The following VDR variants were observed in gnomAD, a reference collection of about 807,000 sequenced individuals.
VDR encodes vitamin D3 receptor.
Under a neutral mutation model 39.7 loss-of-function variants are expected in VDR, and 19 were observed. The observed-to-expected ratio is 0.48, with a 90% confidence interval of 0.33 to 0.70. VDR has a LOEUF of 0.70. Among genes scored for constraint, VDR ranks in the 30% least tolerant of loss-of-function variants. The pLI is 0.02. For synonymous variants in VDR, 242 were observed against 215.8 expected, an observed-to-expected ratio of 1.12 and a Z score of -1.07; for missense variants, 442 against 570.5, an observed-to-expected ratio of 0.77 and a Z score of 2.29.
intron 1 of VDR, among the ~76,000 whole-genome samples, chr12:47,898,183 A>T (rs1252025995): frequency 6.6e-6 from 1 of 152,138 alleles, no homozygotes; most frequent in Non-Finnish European, 1.5e-5. Flanking sequence ...TCTCTCTGAG[A>T]CATGTCTCAG....
intron 7 of VDR, among the ~76,000 whole-genome samples, chr12:47,850,486 C>CATGG (rs1374951160): frequency 6.6e-6 from 1 of 152,320 alleles, no homozygotes; most frequent in East Asian, 1.9e-4. Flanking sequence ...ACACATCTTC[C>CATGG]ATGGATGCAG....
intron 4 of VDR, among the ~76,000 whole-genome samples, chr12:47,862,268 C>T (rs979367717): frequency 2.0e-5 from 3 of 152,176 alleles, no homozygotes; most frequent in African/African-American, 2.4e-5. Context: ...AAGCTCTCTT[C>T]AATCCATCTC....
chr12:47,889,546 T>C (rs1946323211), intron 1 of VDR, among the ~76,000 whole-genome samples: 1 of 152,178 alleles, frequency 6.6e-6, no homozygotes, highest in South Asian at 2.1e-4. Context: ...GGGAGTACTT[T>C]AGAGGAAAGT....
chr12:47,881,919 G>A (rs1023507417), intron 2 of VDR, among the ~76,000 whole-genome samples: 9 of 152,198 alleles, frequency 5.9e-5, no homozygotes, highest in Non-Finnish European at 1.2e-4. Context: ...CTGCAGCTCC[G>A]AGTCATCGTG....
In VDR at chr12:47,865,783, G is replaced by GC. The variant is rs529206008; in HGVS notation, c.147-607dup. Among the ~76,000 whole-genome samples, 139 of 145,038 alleles carry GC rather than the reference G, an allele frequency of 9.6e-4. 1 individual carries two copies. The highest frequency in any genetic ancestry group is 1.6e-3 in the African/African-American group (64 of 38,882). ...AGGCTGGAGTGCAGTGGCTCACTCA[G>GC]CTCACTGCAAGCTCCACCTCCCGGG... is the stretch of plus-strand genomic sequence containing the variant. On this transcript the variant is annotated intron_variant, in intron 3 of 9. Transcript: ENST00000549336.
intron 3 of VDR, among the ~76,000 whole-genome samples, chr12:47,869,812 G>A (rs1328723381): frequency 6.6e-6 from 1 of 152,182 alleles, no homozygotes; most frequent in Non-Finnish European, 1.5e-5. Context: ...TGGAAGGATC[G>A]CTTGAGCTGG....
At chr12:47,886,351 T>G (rs7965266) in intron 1 of VDR, among the ~76,000 whole-genome samples, 3 of 152,056 alleles carry the variant, frequency 2.0e-5, no homozygotes, top group African/African-American at 7.2e-5. Flanking sequence ...ACTTTTTGTC[T>G]TCTCTTTATT....
chr12:47,882,006 G>A (rs942338284), intron 2 of VDR, among the ~76,000 whole-genome samples: 1 of 152,152 alleles, frequency 6.6e-6, no homozygotes, highest in Non-Finnish European at 1.5e-5. Flanking sequence ...AATCAAATGG[G>A]GGGTAGGAAG....
At chr12:47,846,933 A>C in intron 7 of VDR, 125 bp from the exon 8 acceptor site, 3 of 1,089,796 alleles carry the variant, frequency 2.8e-6, no homozygotes, top group Non-Finnish European at 4.2e-6. Flanking sequence ...TCTTTCATCG[A>C]GGAGCTTGCA....
intron 1 of VDR, among the ~76,000 whole-genome samples, chr12:47,889,578 T>G (rs936834867): frequency 2.0e-5 from 3 of 152,158 alleles, no homozygotes; most frequent in African/African-American, 7.2e-5. Context: ...GGCCTGAGCT[T>G]TCTCTACTCC....
At chr12:47,861,008 T>C (rs1319147418) in intron 4 of VDR, among the ~76,000 whole-genome samples, 1 of 152,380 alleles carries the variant, frequency 6.6e-6, no homozygotes, top group East Asian at 1.9e-4. Context: ...GTTATTCCCA[T>C]TTAGCAGATG....
intron 1 of VDR, chr12:47,901,254 A>G (rs1019533951): frequency 6.4e-6 from 1 of 155,114 alleles, no homozygotes; most frequent in African/African-American, 2.4e-5. Context: ...CTCCACGCCT[A>G]TGCCCGATCA....
intron 6 of VDR, among the ~76,000 whole-genome samples, chr12:47,856,923 G>A (rs999639773): frequency 2.6e-5 from 4 of 152,240 alleles, no homozygotes; most frequent in African/African-American, 9.6e-5. Flanking sequence ...ATCCCAGCTT[G>A]GCCTCTTCCC....
At chr12:47,848,161 C>A (rs1037162171) in intron 7 of VDR, among the ~76,000 whole-genome samples, 6 of 152,090 alleles carry the variant, frequency 3.9e-5, no homozygotes, top group African/African-American at 1.4e-4. Flanking sequence ...CTAGGCTTCC[C>A]AAAGTGCTGG....
intron 7 of VDR, among the ~76,000 whole-genome samples, chr12:47,850,827 T>G (rs2137131354): frequency 6.6e-6 from 1 of 152,190 alleles, no homozygotes. Context: ...GTGTTGCTGT[T>G]TCGTCTTTCC....
chr12:47,845,396 A>G (rs1170187471), intron 9 of VDR, among the ~76,000 whole-genome samples: 1 of 151,640 alleles, frequency 6.6e-6, no homozygotes, highest in Non-Finnish European at 1.5e-5. Context: ...AACAGCTTAA[A>G]AGGTCTTCCT....
At chr12:47,870,435 C>T (rs759617117) in intron 3 of VDR, among the ~76,000 whole-genome samples, 3 of 151,410 alleles carry the variant, frequency 2.0e-5, no homozygotes, top group Non-Finnish European at 2.9e-5. Context: ...TGGACCCTGT[C>T]ATCCTCTGGT....
At chr12:47,851,980 C>A (rs1565610079) in intron 7 of VDR, among the ~76,000 whole-genome samples, 1 of 152,194 alleles carries the variant, frequency 6.6e-6, no homozygotes, top group Non-Finnish European at 1.5e-5. Flanking sequence ...CAGACTTCAA[C>A]TTAACCTCGG....
At chr12:47,891,276 TC>T (rs1946364337) in intron 1 of VDR, among the ~76,000 whole-genome samples, 1 of 152,168 alleles carries the variant, frequency 6.6e-6, no homozygotes, top group African/African-American at 2.4e-5. Flanking sequence ...GAGTCTCAGT[TC>T]TTGTGTGGGG....
Sources: gnomAD v4.1 joint callset for allele counts (sites outside exome capture counted in the v4.1 genomes callset) on GRCh38, gnomAD v4.1.1 for gene constraint, MANE v1.5 for transcripts, NCBI Gene and HGNC (gene_info 2026-07-23, HGNC 2026-07-21) for gene names.